The following LARGE1 variants were observed in gnomAD, a reference collection of about 807,000 sequenced individuals.
LARGE1 encodes xylosyl- and glucuronyltransferase LARGE1.
In LARGE1, 43 loss-of-function variants were observed where a neutral mutation model predicts 87.6. The ratio of observed to expected loss-of-function variants is 0.49; its 90% CI spans 0.38 to 0.63. LARGE1 has a LOEUF of 0.63. Ranked by LOEUF, LARGE1 falls within the 30% of genes least tolerant of loss-of-function variation. LARGE1 has a pLI of 0.00. For synonymous variants in LARGE1, 434 were observed against 394.6 expected (o/e 1.10, Z -1.18); for missense variants, 802 against 1,000.2 (o/e 0.80, Z 2.67).
chr22:33,163,137 AT>A (rs1922091963), exon 12 of LARGE1: 1 of 152,194 alleles, frequency 6.6e-6, no homozygotes, highest in Non-Finnish European at 1.5e-5. Context: ...ACTGTACTAG[AT>A]GCATCATATA....
chr22:33,829,610 C>A (rs905169628), intron 1 of LARGE1, among the ~76,000 whole-genome samples: 1 of 152,232 alleles, frequency 6.6e-6, no homozygotes, highest in African/African-American at 2.4e-5. Context: ...CTTAATAGTT[C>A]CTTTAATGGT....
At chr22:33,610,076 A>G (rs538104958) in intron 4 of LARGE1, among the ~76,000 whole-genome samples, 8 of 152,156 alleles carry the variant, frequency 5.3e-5, no homozygotes, top group African/African-American at 1.7e-4. Flanking sequence ...AGCCAATTAA[A>G]CCATTTTTCT....
chr22:33,911,082 A>T (rs894281058), intron 1 of LARGE1, among the ~76,000 whole-genome samples: 1 of 152,188 alleles, frequency 6.6e-6, no homozygotes, highest in Non-Finnish European at 1.5e-5. Context: ...AATAACAAAA[A>T]TGACCGAATG....
At chr22:33,252,384 A>G (rs1341688054) in intron 11 of LARGE1, among the ~76,000 whole-genome samples, 1 of 151,442 alleles carries the variant, frequency 6.6e-6, no homozygotes, top group Admixed American at 6.6e-5. Flanking sequence ...TCATTTCTTA[A>G]TGAGTAGTAA....
At chr22:33,235,457 G>T (rs780387085) in intron 11 of LARGE1, among the ~76,000 whole-genome samples, 43 of 152,154 alleles carry the variant, frequency 2.8e-4, no homozygotes, top group Non-Finnish European at 5.6e-4. Context: ...CCCCGAGTTT[G>T]GGACAAGCTT....
intron 2 of LARGE1, among the ~76,000 whole-genome samples, chr22:33,722,254 G>A (rs981906932): frequency 1.8e-4 from 15 of 85,252 alleles, no homozygotes; most frequent in Non-Finnish European, 3.6e-4. Flanking sequence ...GGGAGGAAGA[G>A]GGAGAGGGAG....
chr22:33,903,202 C>G (rs1445741814), intron 1 of LARGE1, among the ~76,000 whole-genome samples: 1 of 152,106 alleles, frequency 6.6e-6, no homozygotes, highest in Non-Finnish European at 1.5e-5. Context: ...TGACTGATGT[C>G]CTAATAACAG....
intron 4 of LARGE1, among the ~76,000 whole-genome samples, chr22:33,613,552 G>GC (rs1180258670): frequency 6.6e-6 from 1 of 152,090 alleles, no homozygotes; most frequent in African/African-American, 2.4e-5. Context: ...GAGTGCAATG[G>GC]CGCGATCTTG....
chr22:33,679,057 C>T (rs149087718), intron 2 of LARGE1, among the ~76,000 whole-genome samples: 8 of 152,210 alleles, frequency 5.3e-5, no homozygotes, highest in African/African-American at 1.7e-4. Context: ...ACCTGCAGAA[C>T]TCTCCAGATA....
chr22:33,574,144 C>T (rs1220986062), intron 5 of LARGE1, among the ~76,000 whole-genome samples: 1 of 152,090 alleles, frequency 6.6e-6, no homozygotes, highest in African/African-American at 2.4e-5. Context: ...AACTGGCTAC[C>T]ACATCTGTAA....
intron 2 of LARGE1, among the ~76,000 whole-genome samples, chr22:33,758,043 G>A (rs1197330889): frequency 6.6e-6 from 1 of 152,096 alleles, no homozygotes; most frequent in Non-Finnish European, 1.5e-5. Context: ...CATCTTTCAT[G>A]CCAGGTATTT....
chr22:33,764,636 T>C (rs2084841541), intron 1 of LARGE1, among the ~76,000 whole-genome samples: 1 of 152,092 alleles, frequency 6.6e-6, no homozygotes, highest in Non-Finnish European at 1.5e-5. Context: ...CATGTGCCTA[T>C]AATCCCAGCT....
At chr22:33,495,222 G>A (rs548604797) in intron 6 of LARGE1, among the ~76,000 whole-genome samples, 13 of 151,970 alleles carry the variant, frequency 8.6e-5, no homozygotes, top group East Asian at 1.9e-4. Flanking sequence ...TTCTCTTGGC[G>A]GAAGCTTCTC....
intron 1 of LARGE1, among the ~76,000 whole-genome samples, chr22:33,793,408 T>C (rs965299484): frequency 2.0e-5 from 3 of 152,136 alleles, no homozygotes; most frequent in Admixed American, 2.0e-4. Context: ...GAGTGGGAGA[T>C]AATCGTCTGA....
intron 2 of LARGE1, among the ~76,000 whole-genome samples, chr22:33,685,073 T>C (rs2081905156): frequency 6.6e-6 from 1 of 152,080 alleles, no homozygotes; most frequent in African/African-American, 2.4e-5. Flanking sequence ...ACACAGCCAA[T>C]GGGAACCCAT....
intron 2 of LARGE1, among the ~76,000 whole-genome samples, chr22:33,651,347 G>A (rs888786341): frequency 5.6e-5 from 7 of 125,078 alleles, no homozygotes; most frequent in African/African-American, 2.2e-4. Flanking sequence ...AGCCGAGATC[G>A]CACCACTGCA....
At chr22:33,762,463 C>A (rs991647902) in intron 1 of LARGE1, among the ~76,000 whole-genome samples, 3 of 152,032 alleles carry the variant, frequency 2.0e-5, no homozygotes, top group Non-Finnish European at 4.4e-5. Flanking sequence ...CATGCCAAGG[C>A]AAGGAGATGG....
At chr22:33,718,318 G>A (rs986470797) in intron 2 of LARGE1, among the ~76,000 whole-genome samples, 20 of 152,210 alleles carry the variant, frequency 1.3e-4, no homozygotes, top group Admixed American at 1.0e-3. Flanking sequence ...GCACTGTGGA[G>A]AGCCAGACCA....
intron 7 of LARGE1, among the ~76,000 whole-genome samples, chr22:33,426,715 GT>G: frequency 6.6e-6 from 1 of 152,210 alleles, no homozygotes; most frequent in Non-Finnish European, 1.5e-5. Context: ...TTCCAATTTT[GT>G]TGTCCTGCAG....
Sources: gnomAD v4.1 joint callset for allele counts (sites outside exome capture counted in the v4.1 genomes callset) on GRCh38, gnomAD v4.1.1 for gene constraint, MANE v1.5 for transcripts, NCBI Gene and HGNC (gene_info 2026-07-23, HGNC 2026-07-21) for gene names.